The following ZNF140 variants were observed in gnomAD, a reference collection of about 807,000 sequenced individuals.
ZNF140 encodes the protein zinc finger protein 140 (clone pHZ-39).
In ZNF140, 13 loss-of-function variants were observed where a neutral mutation model predicts 12.9. The observed-to-expected ratio is 1.01, with a 90% CI of 0.66 to 1.60. The LOEUF is 1.60. Among genes scored for constraint, ZNF140 ranks in the 40% most tolerant of loss-of-function variants. ZNF140 has a pLI of 0.00. For missense variants in ZNF140, 531 were observed against 548.8 expected (o/e 0.97, Z 0.32); for synonymous variants, 214 against 186.7 (o/e 1.15, Z -1.19).
chr12:133,106,710 C>T lies in ZNF140; in HGVS notation c.*59C>T. 1.4e-6 allele frequency: 2 copies of T among 1,408,630 alleles called. No individual in the cohort carries two copies. The highest frequency in any genetic ancestry group is 1.9e-6 in the Non-Finnish European group (2 of 1,050,742). The allele number at this position is 1,408,630 out of a possible 1,614,324, so 87.3% of individuals were successfully genotyped here. ...GAATTTTTTAAAAAGAAGTATAATG[C>T]CTTACTTCAGAGAACTCTTGGAAAG... On this transcript the variant is annotated 3_prime_UTR_variant, in exon 5 of 5. Transcript: ENST00000355557.
intron 4 of ZNF140, among the ~76,000 whole-genome samples, chr12:133,084,520 A>C (rs1954610928): frequency 6.6e-6 from 1 of 152,250 alleles, no homozygotes; most frequent in South Asian, 2.1e-4. Context: ...CAGCAGTGAA[A>C]AAAGGAATTT....
intron 4 of ZNF140, among the ~76,000 whole-genome samples, chr12:133,095,714 A>C (rs2137539113): frequency 6.6e-6 from 1 of 151,910 alleles, no homozygotes; most frequent in Non-Finnish European, 1.5e-5. Context: ...AATAAGGAGA[A>C]GGTCAGCAAA....
intron 2 of ZNF140, 28 bp downstream of exon 2, chr12:133,081,357 A>G (rs1566299234): frequency 3.8e-6 from 1 of 264,148 alleles, no homozygotes; most frequent in South Asian, 8.2e-5. Context: ...AAATATATAT[A>G]TATATATATA....
At chr12:133,090,389 C>T (rs1356102050) in intron 4 of ZNF140, among the ~76,000 whole-genome samples, 4 of 152,170 alleles carry the variant, frequency 2.6e-5, no homozygotes, top group African/African-American at 9.7e-5. Flanking sequence ...ATGATCTACC[C>T]ACCTTGGCCT....
chr12:133,099,265 C>T (rs1178641654), intron 4 of ZNF140, among the ~76,000 whole-genome samples: 9 of 152,268 alleles, frequency 5.9e-5, no homozygotes, highest in Admixed American at 3.3e-4. Context: ...CTCTGCCTCC[C>T]GGGTTCCAGA....
At chr12:133,095,834 G>C (rs559532846) in intron 4 of ZNF140, among the ~76,000 whole-genome samples, 1 of 151,948 alleles carries the variant, frequency 6.6e-6, no homozygotes, top group Non-Finnish European at 1.5e-5. Flanking sequence ...ACATCTCAGC[G>C]GAGTAAAGAA....
rs1954474525 is a variant in ZNF140, at chr12:133,081,348, A to ATATATATATAT, written c.9+19_9+20insTATATATATAT. The ATATATATATAT allele has an allele frequency of 2.8e-5, 9 of 318,824 alleles. No homozygotes were observed. Among genetic ancestry groups the ATATATATATAT allele is most frequent in the Non-Finnish European group, 3.5e-5 (6 of 172,518 alleles). 19.7% of individuals were successfully genotyped at this position (318,824 alleles called of 1,614,324 possible). A position where few individuals can be genotyped will look rare whatever the true frequency, so the allele number is the denominator to read the frequency against. The stretch of plus-strand genomic sequence containing the variant: ...GTCTCAGGTAAGCTAATGATTGATA[A>ATATATATATAT]ATATATATATATATATATATATAAA... On this transcript the variant is annotated intron_variant, in intron 2 of 4. Coordinates refer to ENST00000355557, the MANE Select transcript of ZNF140 (RefSeq NM_003440.4).
At chr12:133,103,753 T>G (rs1165277899) in intron 4 of ZNF140, among the ~76,000 whole-genome samples, 3 of 152,224 alleles carry the variant, frequency 2.0e-5, no homozygotes, top group African/African-American at 7.2e-5. Flanking sequence ...TTGTGTCTTA[T>G]ATCAATATTT....
intron 4 of ZNF140, among the ~76,000 whole-genome samples, chr12:133,095,595 C>CG (rs1378473923): frequency 2.0e-4 from 30 of 151,128 alleles, no homozygotes; most frequent in Non-Finnish European, 2.7e-4. Context: ...AGGGGACCGG[C>CG]ATCAGCATAC....
At chr12:133,080,791 G>T (rs1463329988), upstream of ZNF140, 3 of 152,432 alleles carry the variant, frequency 2.0e-5, no homozygotes, top group African/African-American at 4.8e-5. Context: ...GCCCTTGCGC[G>T]CAGGGCCGCA....
At chr12:133,096,028 A>C (rs1444122126) in intron 4 of ZNF140, among the ~76,000 whole-genome samples, 6 of 150,772 alleles carry the variant, frequency 4.0e-5, no homozygotes, top group South Asian at 4.2e-4. Context: ...TTACCAATCC[A>C]CCTCAGCACA....
At position 133,081,327 on chromosome 12, in the gene ZNF140, C is replaced by T; in HGVS notation, c.7C>T (p.Gln3Ter). The T allele has an allele frequency of 3.0e-6, 4 of 1,341,132 alleles. No individual in the cohort carries two copies. The highest frequency in any genetic ancestry group is 1.2e-5 in the South Asian group (1 of 84,400). 83.1% of individuals were successfully genotyped at this position (1,341,132 alleles called of 1,614,324 possible). A position where few individuals can be genotyped will look rare whatever the true frequency, so the allele number is the denominator to read the frequency against. Residue 3 changes from glutamine to a stop codon, truncating the protein, a stop_gained and splice_region_variant, in exon 2 of 5, where the codon CAG becomes TAG. Coordinates refer to ENST00000355557, the MANE Select transcript of ZNF140 (RefSeq NM_003440.4). LOFTEE classifies it high-confidence loss of function. ...TCCTTCCCTTCTGTGAGCTATGTCT[C>T]AGGTAAGCTAATGATTGATAAATAT... MS[Q>*]GSVTFRDVAI...
chr12:133,090,281 G>A (rs1311593114), intron 4 of ZNF140, among the ~76,000 whole-genome samples: 2 of 151,916 alleles, frequency 1.3e-5, no homozygotes, highest in South Asian at 2.1e-4. Context: ...TATAAGTACC[G>A]ACACATGCCA....
chr12:133,083,140 C>T lies in ZNF140; in HGVS notation c.47C>T (p.Ser16Phe). 7 of 1,614,156 alleles carry T rather than the reference C, an allele frequency of 4.3e-6. No homozygotes were observed. Among genetic ancestry groups the T allele is most frequent in the Non-Finnish European group, 5.9e-6 (7 of 1,180,034 alleles). ...VTFRDVAIDF[S>F]QEEWKWLQPA... ...TTCAGAGATGTGGCCATAGACTTCT[C>T]CCAGGAGGAGTGGAAATGGCTTCAG... is the stretch of plus-strand genomic sequence containing the variant. The change falls in exon 3 of 5, where the codon TCC (serine) becomes TTC (phenylalanine). Residue 16 changes from serine (S) to phenylalanine (F), a missense_variant. Coordinates refer to ENST00000355557, the MANE Select transcript of ZNF140 (RefSeq NM_003440.4).
chr12:133,102,068 G>A (rs927196332), intron 4 of ZNF140, among the ~76,000 whole-genome samples: 3 of 152,106 alleles, frequency 2.0e-5, no homozygotes, highest in Non-Finnish European at 4.4e-5. Context: ...AGGTGTTGAG[G>A]GAAGAGAAGC....
Position 133,081,228 on chromosome 12 carries a change from G to T in ZNF140, c.-48-45G>T, listed in dbSNP as rs1038731938. On this transcript the variant is annotated intron_variant, in intron 1 of 4. Coordinates refer to ENST00000355557, the MANE Select transcript of ZNF140 (RefSeq NM_003440.4). ...GCGGGAATCTAGTGACTTGGGCGCG[G>T]CCTAGCTGGCCTGTTCGCTCAGGGC... The T allele has an allele frequency of 1.8e-5, 18 of 997,766 alleles. No individual in the cohort carries two copies. In the African/African-American group the frequency reaches 2.6e-4, roughly 14 times the overall value. 61.8% of individuals were successfully genotyped at this position (997,766 alleles called of 1,614,324 possible).
chr12:133,083,255 A>G, intron 3 of ZNF140, 26 bp downstream of exon 3: 3 of 1,599,404 alleles, frequency 1.9e-6, no homozygotes, highest in Middle Eastern at 1.8e-4. Flanking sequence ...CATCTCCCTC[A>G]AGGCAAAATT....
intron 4 of ZNF140, among the ~76,000 whole-genome samples, chr12:133,090,320 A>C (rs1165206990): frequency 6.6e-6 from 1 of 151,694 alleles, no homozygotes; most frequent in Non-Finnish European, 1.5e-5. Context: ...TTTATTTTTT[A>C]TTTGTAAAGA....
chr12:133,086,935 G>A (rs1340811952), intron 4 of ZNF140, among the ~76,000 whole-genome samples: 7 of 152,090 alleles, frequency 4.6e-5, no homozygotes, highest in African/African-American at 1.7e-4. Flanking sequence ...GTCAATTTTT[G>A]TGTTTGTATG....
Sources: allele counts gnomAD v4.1 joint callset (sites outside exome capture counted in the v4.1 genomes callset), GRCh38; gene constraint gnomAD v4.1.1; transcripts MANE v1.5; gene names NCBI Gene and HGNC (gene_info 2026-07-23, HGNC 2026-07-21).